The following VPS13A variants were observed in gnomAD, a reference collection of about 807,000 sequenced individuals.
VPS13A encodes the protein vacuolar protein sorting 13 homolog A.
VPS13A carries 264 observed loss-of-function variants against 390.9 expected under a neutral mutation model. That is an observed-to-expected ratio of 0.68 (90% confidence interval 0.61 to 0.75). The LOEUF is 0.75. VPS13A is among the 30% of genes least tolerant of loss of function. The pLI, the probability that VPS13A is intolerant of heterozygous loss-of-function variation, is 0.00. For missense variants in VPS13A, 3,409 were observed against 3,733.9 expected (o/e 0.91, Z 2.27); for synonymous variants, 1,231 against 1,227.1 (o/e 1.00, Z -0.07).
At chr9:77,328,661 G>A (rs1830128658) in intron 45 of VPS13A, among the ~76,000 whole-genome samples, 1 of 152,162 alleles carries the variant, frequency 6.6e-6, no homozygotes, top group South Asian at 2.1e-4. Flanking sequence ...TGTGTGTTAT[G>A]CAGGTGGTTT....
intron 60 of VPS13A, among the ~76,000 whole-genome samples, chr9:77,366,209 C>G (rs1172569260): frequency 6.6e-6 from 1 of 152,044 alleles, no homozygotes; most frequent in Non-Finnish European, 1.5e-5. Context: ...TTAGCCTAGC[C>G]TGTCTTAAAC....
rs1296287239 is a variant in VPS13A at position 77,260,213 on chromosome 9, A to G, written c.2416A>G (p.Lys806Glu). 12 of 1,613,370 alleles carry G rather than the reference A, an allele frequency of 7.4e-6. 1 individual carries two copies. The South Asian group carries it at 1.1e-4, about 15-fold the overall frequency. The change falls in exon 23 of 72, where the codon AAA becomes GAA. Residue 806 changes from lysine (K) to glutamate (E), a missense_variant. Coordinates refer to ENST00000360280, the MANE Select transcript of VPS13A (RefSeq NM_033305.3). ...EPVTEVSAPVKSFQIQTSTSL... is the reference protein window; with the variant it reads ...EPVTEVSAPVESFQIQTSTSL... ...AGTAACTGAAGTATCTGCCCCTGTC[A>G]AATCATTCCAGGTAATGTTACTTTC...
chr9:77,400,116 A>C (rs756003171), intron 68 of VPS13A, among the ~76,000 whole-genome samples: 6 of 152,074 alleles, frequency 3.9e-5, no homozygotes, highest in Non-Finnish European at 8.8e-5. Flanking sequence ...ACTTTTGCCT[A>C]AGATAAATTC....
At chr9:77,387,504 C>T (rs1269042379) in intron 68 of VPS13A, among the ~76,000 whole-genome samples, 2 of 152,138 alleles carry the variant, frequency 1.3e-5, no homozygotes, top group Non-Finnish European at 2.9e-5. Context: ...TCCTTATTTT[C>T]CTTTGTGTCT....
intron 19 of VPS13A, among the ~76,000 whole-genome samples, chr9:77,239,201 G>A (rs140978102): frequency 6.6e-6 from 1 of 151,786 alleles, no homozygotes; most frequent in African/African-American, 2.4e-5. Context: ...AATTTGGCTG[G>A]GCGCGGTGGC....
intron 26 of VPS13A, 77 bp from the exon 27 acceptor site, chr9:77,280,082 A>G (rs1826925999): frequency 5.2e-6 from 6 of 1,143,246 alleles, no homozygotes; most frequent in African/African-American, 3.1e-5. Context: ...TTGCAATTAC[A>G]TAATTAATAA....
chr9:77,233,144 G>C lies in VPS13A; in HGVS notation c.1596-4858G>C, dbSNP rs536336626. On this transcript the variant is annotated intron_variant, in intron 17 of 71. Coordinates refer to ENST00000360280, the MANE Select transcript of VPS13A (RefSeq NM_033305.3). ...TCTATTTCTTCTCGAGGCAGTTTTT[G>C]TAATTTATATATTTCTAGGAATTTG... Among the ~76,000 whole-genome samples, 9 of 152,040 alleles carry C rather than the reference G, an allele frequency of 5.9e-5. No individual in the cohort carries two copies. In the South Asian group the frequency reaches 1.7e-3, roughly 28 times the overall value.
At chr9:77,415,199 GTTTTC>G (rs1162157772) in intron 71 of VPS13A, among the ~76,000 whole-genome samples, 1 of 152,166 alleles carries the variant, frequency 6.6e-6, no homozygotes, top group African/African-American at 2.4e-5. Flanking sequence ...CTGCAATAAA[GTTTTC>G]TTTTAATTCC....
intron 56 of VPS13A, 66 bp downstream of exon 56, chr9:77,357,904 T>G: frequency 2.6e-5 from 37 of 1,449,496 alleles, no homozygotes; most frequent in Non-Finnish European, 3.3e-5. Context: ...ACCAGATCTA[T>G]TCCCATGGTC....
intron 22 of VPS13A, among the ~76,000 whole-genome samples, 200 bp downstream of exon 22, chr9:77,252,552 GC>G: frequency 6.6e-6 from 1 of 152,090 alleles, no homozygotes; most frequent in African/African-American, 2.4e-5. Context: ...TTAGGTTCAC[GC>G]ATGTTGTTAT....
intron 24 of VPS13A, among the ~76,000 whole-genome samples, chr9:77,274,200 C>T (rs543980754): frequency 1.3e-5 from 2 of 152,102 alleles, no homozygotes; most frequent in South Asian, 2.1e-4. Flanking sequence ...GAGGCCAAGG[C>T]GGGCGGATCA....
chr9:77,403,333 T>C lies in VPS13A; in HGVS notation c.9275+12T>C. The C allele has an allele frequency of 6.2e-7, 1 of 1,602,888 alleles. No homozygotes were observed. The highest frequency in any genetic ancestry group is 1.7e-5 in the Admixed American group (1 of 59,968). On this transcript the variant is annotated intron_variant, in intron 69 of 71. Transcript: ENST00000360280. ...ATGATAACCAGACGGTAACTTGCTT[T>C]CTTTCTCTTACGTAATTTTATAAGG...
Position 77,344,198 on chromosome 9 carries a change from C to A in VPS13A, c.7072C>A (p.Gln2358Lys), listed in dbSNP as rs981025037. 6.2e-7 allele frequency: 1 copy of A among 1,611,798 alleles called. No individual in the cohort carries two copies. The highest frequency in any genetic ancestry group is 1.3e-5 in the African/African-American group (1 of 74,782). The part of the protein sequence containing the change: ...PEYASSKLLI[Q>K]VERSEDPPKR... The stretch of plus-strand genomic sequence containing the variant: ...GTATGCTTCTAGTAAACTTCTTATT[C>A]AAGTCGAAAGGAGTGAAGATCCTCC... Residue 2358 changes from glutamine to lysine, a missense_variant, in exon 51 of 72, where the codon CAA (glutamine) becomes AAA (lysine). Physicochemically the swap from Gln to Lys is moderately conservative, Grantham distance 53. Around this residue, in one of 5 missense-constraint regions of VPS13A, gnomAD observed 2,717 missense variants for 2,917.4 expected, o/e 0.93. Transcript: ENST00000360280.
chr9:77,358,318 T>C (rs1215461019), intron 56 of VPS13A, 39 bp from the exon 57 acceptor site: 4 of 1,491,552 alleles, frequency 2.7e-6, no homozygotes, highest in Admixed American at 1.7e-5. Flanking sequence ...GGTTGTATAA[T>C]TGACATATTA....
intron 45 of VPS13A, among the ~76,000 whole-genome samples, chr9:77,327,107 C>T (rs891926643): frequency 6.6e-6 from 1 of 152,110 alleles, no homozygotes; most frequent in East Asian, 1.9e-4. Context: ...AGTCATAGGG[C>T]TTATGTAGTT....
Position 77,316,171 on chromosome 9 carries a change from T to G in VPS13A, c.4631-3T>G. 5 of 1,576,944 alleles carry G rather than the reference T, an allele frequency of 3.2e-6. No homozygotes were observed. The highest frequency in any genetic ancestry group is 4.4e-6 in the Non-Finnish European group (5 of 1,148,962). On this transcript the variant is annotated splice_polypyrimidine_tract_variant and splice_region_variant and intron_variant, in intron 38 of 71. Transcript: ENST00000360280. The stretch of plus-strand genomic sequence containing the variant: ...TATTTTAATCTATTTTTATTTGTTT[T>G]AGTACCTACACAGGAATCAGTGAAG...
At chr9:77,304,907 G>T (rs1435255003) in intron 34 of VPS13A, among the ~76,000 whole-genome samples, 2 of 151,082 alleles carry the variant, frequency 1.3e-5, no homozygotes, top group Non-Finnish European at 2.9e-5. Flanking sequence ...TTGATTATGA[G>T]AAAACCATCA....
At chr9:77,374,757 G>T (rs1320324499) in intron 67 of VPS13A, among the ~76,000 whole-genome samples, 1 of 152,084 alleles carries the variant, frequency 6.6e-6, no homozygotes, top group Admixed American at 6.6e-5. Flanking sequence ...GTGAAATTTA[G>T]TAGTTTCTTT....
intron 51 of VPS13A, 124 bp downstream of exon 51, chr9:77,344,405 A>G: frequency 9.1e-7 from 1 of 1,099,822 alleles, no homozygotes; most frequent in East Asian, 2.5e-5. Flanking sequence ...CCAAAAACGA[A>G]CAAACATTTC....
Sources: gnomAD v4.1 joint callset for allele counts (sites outside exome capture counted in the v4.1 genomes callset) on GRCh38, gnomAD v4.1.1 for gene constraint, gnomAD v4.1.1 regional missense constraint, MANE v1.5 for transcripts, NCBI Gene and HGNC (gene_info 2026-07-23, HGNC 2026-07-21) for gene names.